Variants in MBNL2 observed in about 807,000 individuals in gnomAD.
MBNL2 encodes muscleblind-like protein 2.
In MBNL2, 17 loss-of-function variants were observed where a neutral mutation model predicts 41.9. That is an observed-to-expected ratio of 0.41 (90% confidence interval 0.28 to 0.61). The LOEUF is 0.61. MBNL2 is among the 20% of genes least tolerant of loss of function. The probability of loss-of-function intolerance (pLI) is 0.35; values close to 1 mark genes in which losing one functional copy is unlikely to be tolerated. For missense variants in MBNL2, 336 were observed against 505.6 expected (o/e 0.66, Z 3.22); for synonymous variants, 195 against 182.9 (o/e 1.07, Z -0.53).
chr13:97,326,195 T>C (rs1474779322), intron 2 of MBNL2, among the ~76,000 whole-genome samples: 1 of 152,246 alleles, frequency 6.6e-6, no homozygotes, highest in African/African-American at 2.4e-5. Context: ...CTATGTAACT[T>C]CATTCCCACT....
At chr13:97,199,797 G>C in the MBNL2 span, among the ~76,000 whole-genome samples, 1 of 152,204 alleles carries the variant, frequency 6.6e-6, no homozygotes, top group African/African-American at 2.4e-5. Flanking sequence ...GCCTTGAATA[G>C]TTTTCTTATC....
the MBNL2 span, among the ~76,000 whole-genome samples, chr13:97,194,000 CAT>C: frequency 1.3e-5 from 2 of 152,192 alleles, no homozygotes; most frequent in Non-Finnish European, 2.9e-5. Flanking sequence ...TTACTTGGAA[CAT>C]CCTTCCACAA....
chr13:97,150,875 A>T, the MBNL2 span, among the ~76,000 whole-genome samples: 1 of 152,186 alleles, frequency 6.6e-6, no homozygotes, highest in African/African-American at 2.4e-5. Context: ...GGGCCCAGGG[A>T]AGTCAGAGTA....
At chr13:97,214,954 G>A in the MBNL2 span, among the ~76,000 whole-genome samples, 2 of 152,216 alleles carry the variant, frequency 1.3e-5, no homozygotes, top group Non-Finnish European at 2.9e-5. Context: ...TTGGAAAGGT[G>A]GATGATCCTG....
chr13:97,218,440 C>CAAACAAAAAAA (rs1555302256), upstream of MBNL2, among the ~76,000 whole-genome samples: 489 of 117,954 alleles, frequency 4.1e-3, 3 homozygotes, highest in South Asian at 0.016. Flanking sequence ...CAAAACAAAA[C>CAAACAAAAAAA]AAAAAAAAAA....
At chr13:97,339,261 G>C (rs933185070) in intron 3 of MBNL2, among the ~76,000 whole-genome samples, 249 of 151,276 alleles carry the variant, frequency 1.6e-3, no homozygotes, top group African/African-American at 5.8e-3. Context: ...GTGTATATGA[G>C]TGTGTTGTGT....
intron 7 of MBNL2, 122 bp downstream of exon 7, chr13:97,357,757 C>G (rs768010196): frequency 3.1e-6 from 3 of 953,814 alleles, no homozygotes; most frequent in Non-Finnish European, 5.1e-6. Context: ...TGAAATTCAT[C>G]GTTGTCCTAG....
chr13:97,246,869 A>G (rs890687318), intron 1 of MBNL2, among the ~76,000 whole-genome samples: 6 of 152,170 alleles, frequency 3.9e-5, no homozygotes, highest in Non-Finnish European at 8.8e-5. Context: ...AGATTTTCTT[A>G]ATATACTTAT....
In MBNL2 at chr13:97,368,404, AC is replaced by A. The variant is rs1406077504; in HGVS notation, c.1048+3236del. On this transcript the variant is annotated intron_variant, in intron 8 of 8. Transcript: ENST00000679496. ...ACTCTAGCCTGGGTGACAGAGTGAC[AC>A]CCTGTCTTAAAATAAAATAAAATAA... 3.3e-5 allele frequency among the ~76,000 whole-genome samples: 5 copies of A among 151,378 alleles called. No homozygotes were observed. The East Asian group carries it at 9.7e-4, about 29-fold the overall frequency.
At chr13:97,313,248 ACT>A (rs969418434) in intron 2 of MBNL2, among the ~76,000 whole-genome samples, 15 of 152,256 alleles carry the variant, frequency 9.9e-5, no homozygotes, top group Non-Finnish European at 1.9e-4. Context: ...CAAGGTGTTA[ACT>A]CTAAATCCTC....
chr13:97,316,901 T>A (rs1057365575), intron 2 of MBNL2, among the ~76,000 whole-genome samples: 1 of 152,064 alleles, frequency 6.6e-6, no homozygotes, highest in African/African-American at 2.4e-5. Flanking sequence ...CATTTGTGAG[T>A]TTTGTTGTTG....
upstream of MBNL2, among the ~76,000 whole-genome samples, chr13:97,217,233 C>A (rs980026704): frequency 6.6e-6 from 1 of 151,804 alleles, no homozygotes; most frequent in African/African-American, 2.4e-5. Context: ...TCTTTATCAC[C>A]TTATTACCAG....
intron 2 of MBNL2, among the ~76,000 whole-genome samples, chr13:97,323,732 T>C (rs2059690402): frequency 6.6e-6 from 1 of 152,112 alleles, no homozygotes; most frequent in Non-Finnish European, 1.5e-5. Flanking sequence ...AGAGTGGTTG[T>C]CAATTACTCT....
intron 1 of MBNL2, among the ~76,000 whole-genome samples, chr13:97,259,820 G>A (rs1032151878): frequency 2.6e-5 from 4 of 152,140 alleles, no homozygotes; most frequent in Admixed American, 2.6e-4. Flanking sequence ...AAATCCCATC[G>A]AGAAGATGGA....
At chr13:97,283,968 T>C (rs1566389962) in intron 2 of MBNL2, among the ~76,000 whole-genome samples, 6 of 152,156 alleles carry the variant, frequency 3.9e-5, no homozygotes, top group Non-Finnish European at 7.3e-5. Flanking sequence ...ATATGCACCA[T>C]AGAGAAAGCC....
intron 2 of MBNL2, among the ~76,000 whole-genome samples, chr13:97,319,936 G>A (rs945822640): frequency 9.2e-5 from 14 of 152,062 alleles, no homozygotes; most frequent in African/African-American, 3.4e-4. Context: ...GGGATTTGGG[G>A]GTTGTTATAG....
chr13:97,250,538 A>AT (rs35253440), intron 1 of MBNL2, among the ~76,000 whole-genome samples: 1 of 151,354 alleles, frequency 6.6e-6, no homozygotes, highest in Non-Finnish European at 1.5e-5. Context: ...GCTCTCTTCA[A>AT]TTTTTTTTTT....
the MBNL2 span, among the ~76,000 whole-genome samples, chr13:97,164,637 T>C: frequency 8.5e-5 from 13 of 152,192 alleles, no homozygotes; most frequent in Admixed American, 2.6e-4. Context: ...TTTTTTTTGG[T>C]AAAGTGGTAT....
At chr13:97,373,898 CTT>C (rs370341321) in intron 8 of MBNL2, among the ~76,000 whole-genome samples, 2 of 151,748 alleles carry the variant, frequency 1.3e-5, no homozygotes, top group African/African-American at 4.8e-5. Flanking sequence ...ATTTACACCT[CTT>C]GGTGAGAAAC....
Sources: gnomAD v4.1 joint callset for allele counts (sites outside exome capture counted in the v4.1 genomes callset) on GRCh38, gnomAD v4.1.1 for gene constraint, MANE v1.5 for transcripts, NCBI Gene and HGNC (gene_info 2026-07-23, HGNC 2026-07-21) for gene names.